HSPA12B: variants seen among roughly 807,000 people sequenced by gnomAD.
The protein encoded by HSPA12B is heat shock protein family A (Hsp70) member 12B.
HSPA12B carries 54 observed loss-of-function variants against 69.3 expected under a neutral mutation model. The observed-to-expected ratio is 0.78, with a 90% CI of 0.63 to 0.98. HSPA12B has a LOEUF of 0.98. HSPA12B is among the 50% of genes least tolerant of loss of function. The probability of loss-of-function intolerance (pLI) is 0.00; values close to 1 mark genes in which losing one functional copy is unlikely to be tolerated. For missense variants in HSPA12B, 929 were observed against 999.8 expected, an observed-to-expected ratio of 0.93 and a Z score of 0.96; for synonymous variants, 441 against 436.5, an observed-to-expected ratio of 1.01 and a Z score of -0.13.
At position 3,740,851 on chromosome 20, in the gene HSPA12B, C is replaced by T; in HGVS notation, c.80C>T (p.Pro27Leu). The change falls in exon 3 of 13, where the codon CCC becomes CTC. Residue 27 changes from proline to leucine, a missense_variant. Around this residue, in one of 3 missense-constraint regions of HSPA12B, gnomAD observed 477 missense variants for 535.2 expected, o/e 0.89. Transcript: ENST00000254963. The surrounding 1 kb of genome is among the most constrained non-coding windows in gnomAD (Gnocchi z 4.9). The part of the protein sequence containing the change: ...SPERSPVPSP[P>L]GSPRTQESCG... ...GAGCGGTCCCCAGTGCCTAGCCCAC[C>T]CGGCTCCCCGAGGACCCAGGAAAGC... The T allele has an allele frequency of 6.2e-7, 1 of 1,613,884 alleles. No individual in the cohort carries two copies. The highest frequency in any genetic ancestry group is 8.5e-7 in the Non-Finnish European group (1 of 1,179,958).
rs1056081583 is a variant in HSPA12B at position 3,740,350 on chromosome 20, A to G, written c.44-465A>G. ...GTCCTGATTAGAACCACGTGGCCCA[A>G]CTTTAGGGTGGAGGGGAGCAACCCC... On this transcript the variant is annotated intron_variant, in intron 2 of 12. Coordinates refer to ENST00000254963, the MANE Select transcript of HSPA12B (RefSeq NM_052970.5). The surrounding 1 kb of genome is among the most constrained non-coding windows in gnomAD (Gnocchi z 4.9). Among the ~76,000 whole-genome samples, 6 of 152,078 alleles carry G rather than the reference A, an allele frequency of 3.9e-5. No individual in the cohort carries two copies. The highest frequency in any genetic ancestry group is 1.4e-4 in the African/African-American group (6 of 41,418).
intron 1 of HSPA12B, 94 bp from the exon 2 acceptor site, chr20:3,738,564 C>A: frequency 1.6e-6 from 2 of 1,259,856 alleles, no homozygotes; most frequent in Non-Finnish European, 2.3e-6. Context: ...CAAAGGACTC[C>A]AGCCAAAAGT....
intron 3 of HSPA12B, among the ~76,000 whole-genome samples, chr20:3,741,396 C>T (rs2146565137): frequency 6.6e-6 from 1 of 152,146 alleles, no homozygotes; most frequent in South Asian, 2.1e-4. Context: ...CTTTGGGAGG[C>T]CGAGGTGGGC....
chr20:3,743,088 G>A (rs2088233928), intron 4 of HSPA12B, among the ~76,000 whole-genome samples: 1 of 146,790 alleles, frequency 6.8e-6, no homozygotes, highest in Non-Finnish European at 1.5e-5. Context: ...GTTTCACCGT[G>A]TTAGCCAGGC....
intron 1 of HSPA12B, among the ~76,000 whole-genome samples, chr20:3,736,246 C>G (rs1344339136): frequency 6.6e-6 from 1 of 152,224 alleles, no homozygotes; most frequent in African/African-American, 2.4e-5. Flanking sequence ...CCTCTCTGTG[C>G]TTTCCCTTTT....
chr20:3,741,155 C>T (rs922936274), intron 3 of HSPA12B, among the ~76,000 whole-genome samples: 1 of 152,132 alleles, frequency 6.6e-6, no homozygotes, highest in Admixed American at 6.5e-5. Context: ...TCCCAACCCC[C>T]CCACACAGGA....
At chr20:3,748,912 G>T (rs1307720148) in intron 8 of HSPA12B, among the ~76,000 whole-genome samples, 1 of 152,174 alleles carries the variant, frequency 6.6e-6, no homozygotes, top group East Asian at 1.9e-4. Flanking sequence ...GAAGCCCTAA[G>T]TCCTGAGTCC....
Position 3,749,166 on chromosome 20 carries a change from G to A in HSPA12B, c.851-66G>A, listed in dbSNP as rs2088362023. The A allele has an allele frequency of 2.8e-6, 4 of 1,403,678 alleles. No homozygotes were observed. The highest frequency in any genetic ancestry group is 1.9e-4 in the Middle Eastern group (1 of 5,240). 87.0% of individuals were successfully genotyped at this position (1,403,678 alleles called of 1,614,324 possible). On this transcript the variant is annotated intron_variant, in intron 8 of 12. Coordinates refer to ENST00000254963, the MANE Select transcript of HSPA12B (RefSeq NM_052970.5). This position sits in a 1 kb window ranked among gnomAD's most constrained non-coding sequence, Gnocchi z 5.5. ...CATGGAGGTCCTGGGCAGGAGGATG[G>A]GAGTTGAACGCCATAGCTGGAGCAC...
rs2088373471 is a variant in HSPA12B, at chr20:3,749,695, C to G, written c.938-55C>G. ...AGGCTGGGCGAGGCTGGAGGGGGCG[C>G]AGGGCTGAGGGTGCGAGGCCGCCCA... On this transcript the variant is annotated intron_variant, in intron 9 of 12. Transcript: ENST00000254963. The surrounding 1 kb of genome is among the most constrained non-coding windows in gnomAD (Gnocchi z 5.5). 7.7e-7 allele frequency: 1 copy of G among 1,304,386 alleles called. No homozygotes were observed. Among genetic ancestry groups the G allele is most frequent in the Admixed American group, 2.2e-5 (1 of 45,200 alleles). The allele number at this position is 1,304,386 out of a possible 1,614,324, so 80.8% of individuals were successfully genotyped here.
In HSPA12B at chr20:3,745,589, G is replaced by A; in HGVS notation, c.550G>A (p.Ala184Thr). Residue 184 changes from alanine (A) to threonine (T), a missense_variant, in exon 6 of 13, where the codon GCC (alanine) becomes ACC (threonine). Physicochemically the swap from Ala to Thr is moderately conservative, Grantham distance 58 (BLOSUM62 0). Transcript: ENST00000254963. The surrounding 1 kb of genome is among the most constrained non-coding windows in gnomAD (Gnocchi z 5.6). ...AHALRFFREH[A>T]LQELREQSPS... ...TGCCCTGCGCTTCTTCAGGGAGCAC[G>A]CCCTTCAGGTGCGCTGCGGCCCCAC... 6.2e-7 allele frequency: 1 copy of A among 1,613,684 alleles called. No homozygotes were observed. Among genetic ancestry groups the A allele is most frequent in the Non-Finnish European group, 8.5e-7 (1 of 1,179,640 alleles).
chr20:3,735,584 G>A (rs2088096955), intron 1 of HSPA12B, among the ~76,000 whole-genome samples: 1 of 151,782 alleles, frequency 6.6e-6, no homozygotes, highest in Non-Finnish European at 1.5e-5. Context: ...TCCTGCCTCA[G>A]CCTCCTGAGT....
intron 3 of HSPA12B, among the ~76,000 whole-genome samples, chr20:3,741,403 G>C (rs554430195): frequency 3.2e-4 from 48 of 152,082 alleles, no homozygotes; most frequent in Admixed American, 3.1e-3. Flanking sequence ...AGGCCGAGGT[G>C]GGCAGATTGC....
chr20:3,751,007 C>A, intron 12 of HSPA12B, 100 bp downstream of exon 12: 1 of 1,016,442 alleles, frequency 9.8e-7, no homozygotes, highest in Non-Finnish European at 1.5e-6. Context: ...CACATCCATA[C>A]ACTGTGATGA....
intron 1 of HSPA12B, among the ~76,000 whole-genome samples, chr20:3,736,125 T>C (rs978541321): frequency 2.0e-5 from 3 of 152,306 alleles, no homozygotes; most frequent in East Asian, 1.9e-4. Flanking sequence ...TGGGAAGAGA[T>C]AGAAAGAATC....
At chr20:3,751,109 T>G (rs191998301) in intron 12 of HSPA12B, 2 of 562,930 alleles carry the variant, frequency 3.6e-6, no homozygotes, top group Non-Finnish European at 4.5e-6. Flanking sequence ...GGCAAAAAAC[T>G]TCTGGTGCCT....
rs1225825857 is a variant in HSPA12B at position 3,745,274 on chromosome 20, G to A, written c.453+186G>A. Among the ~76,000 whole-genome samples, 1 of 151,910 alleles carries A rather than the reference G, an allele frequency of 6.6e-6. No individual in the cohort carries two copies. Among genetic ancestry groups the A allele is most frequent in the African/African-American group, 2.4e-5 (1 of 41,292 alleles). On this transcript the variant is annotated intron_variant, in intron 5 of 12. Transcript: ENST00000254963. This position sits in a 1 kb window ranked among gnomAD's most constrained non-coding sequence, Gnocchi z 5.6. ...CGGAGCTCAGAAATGAGGTGGAGGCGGGGCTAATGTGGGTGGGGCTAATAG... is the reference window on the plus strand; with the variant it reads ...CGGAGCTCAGAAATGAGGTGGAGGCAGGGCTAATGTGGGTGGGGCTAATAG...
In HSPA12B at chr20:3,748,967, C is replaced by T. The variant is rs138213209; in HGVS notation, c.851-265C>T. Reference sequence around the variant, plus strand: ...CTACCTGCCTCCGCTCCTCCAAACCCCTCTAACCCTGATTTTGCCATGACC... The same window carrying T: ...CTACCTGCCTCCGCTCCTCCAAACCTCTCTAACCCTGATTTTGCCATGACC... On this transcript the variant is annotated intron_variant, in intron 8 of 12. Transcript: ENST00000254963. Among the ~76,000 whole-genome samples the T allele has an allele frequency of 2.6e-5, 4 of 152,324 alleles. No individual in the cohort carries two copies. The East Asian group carries it at 7.7e-4, about 29-fold the overall frequency.
intron 1 of HSPA12B, among the ~76,000 whole-genome samples, chr20:3,736,658 G>T (rs1209099223): frequency 2.0e-5 from 3 of 152,222 alleles, no homozygotes; most frequent in African/African-American, 7.2e-5. Context: ...TCAGTGGTCT[G>T]CAGACTGGCT....
Position 3,751,891 on chromosome 20 carries a change from C to A in HSPA12B, c.1786C>A (p.Pro596Thr). The change falls in exon 13 of 13, where the codon CCG becomes ACG. Residue 596 changes from proline to threonine, a missense_variant. Pro to Thr is a conservative substitution (Grantham distance 38). Transcript: ENST00000254963. ...LGEEVRRSYC[P>T]ARPGQRRVLI... ...CGAGGAGGTGCGGCGCAGCTACTGC[C>A]CGGCGCGTCCCGGCCAGCGGCGCGT... is the stretch of plus-strand genomic sequence containing the variant. 1 of 1,568,894 alleles carries A rather than the reference C, an allele frequency of 6.4e-7. No homozygotes were observed. Among genetic ancestry groups the A allele is most frequent in the South Asian group, 1.2e-5 (1 of 86,876 alleles).
Sources: allele counts gnomAD v4.1 joint callset (sites outside exome capture counted in the v4.1 genomes callset), GRCh38; gene constraint gnomAD v4.1.1; regional missense constraint gnomAD v4.1.1; non-coding constraint Gnocchi (gnomAD v3.1); transcripts MANE v1.5; gene names NCBI Gene and HGNC (gene_info 2026-07-23, HGNC 2026-07-21).